BACH2: variants seen among roughly 807,000 people sequenced by gnomAD.
BACH2 encodes BACH transcriptional regulator 2.
In BACH2, 5 loss-of-function variants were observed where a neutral mutation model predicts 61.8. The observed-to-expected ratio is 0.08, with a 90% CI of 0.04 to 0.17. BACH2 has a LOEUF of 0.17. BACH2 is among the 10% of genes least tolerant of loss of function. The pLI, the probability that BACH2 is intolerant of heterozygous loss-of-function variation, is 1.00. For synonymous variants in BACH2, 446 were observed against 440.1 expected (o/e 1.01, Z -0.17); for missense variants, 824 against 1,091.1 (o/e 0.76, Z 3.45).
intron 5 of BACH2, among the ~76,000 whole-genome samples, chr6:90,012,304 T>G (rs941461465): frequency 3.3e-5 from 5 of 152,142 alleles, no homozygotes; most frequent in African/African-American, 1.2e-4. Flanking sequence ...TTCTGACCCA[T>G]GAACACAGTC....
intron 4 of BACH2, chr6:90,117,103 A>G (rs189864811): frequency 7.1e-6 from 2 of 280,014 alleles, no homozygotes; most frequent in Non-Finnish European, 1.4e-5. Flanking sequence ...TCTCTGGCCA[A>G]CTTCTCAAGG....
intron 2 of BACH2, among the ~76,000 whole-genome samples, chr6:90,260,666 C>T (rs1382324879): frequency 2.0e-5 from 3 of 152,208 alleles, no homozygotes; most frequent in African/African-American, 7.2e-5. Flanking sequence ...GCTAGCATTA[C>T]CTTAATAATA....
In BACH2 at chr6:90,203,959, T is replaced by TC. The variant is rs1370820006; in HGVS notation, c.-162+2609dup. The stretch of plus-strand genomic sequence containing the variant: ...AGCAACTCATGAGGTATCAGGGTAG[T>TC]CCTGTTAAATTAGTGCGGCCAACTG... On this transcript the variant is annotated intron_variant, in intron 4 of 8. Coordinates refer to ENST00000257749, the MANE Select transcript of BACH2 (RefSeq NM_021813.4). Among the ~76,000 whole-genome samples, 5 of 152,238 alleles carry TC rather than the reference T, an allele frequency of 3.3e-5. No individual in the cohort carries two copies. The East Asian group carries it at 9.6e-4, about 29-fold the overall frequency.
intron 6 of BACH2, among the ~76,000 whole-genome samples, chr6:89,994,785 T>C (rs779716755): frequency 2.0e-5 from 3 of 152,212 alleles, no homozygotes; most frequent in Non-Finnish European, 4.4e-5. Context: ...TTCTTCATTA[T>C]AGAAATGTAA....
At chr6:90,116,187 G>A (rs918080785) in intron 4 of BACH2, among the ~76,000 whole-genome samples, 4 of 152,104 alleles carry the variant, frequency 2.6e-5, no homozygotes, top group Non-Finnish European at 5.9e-5. Flanking sequence ...AAAGACACAC[G>A]CATGCAAATG....
chr6:90,081,861 C>T (rs1251300686), intron 5 of BACH2, among the ~76,000 whole-genome samples: 1 of 152,118 alleles, frequency 6.6e-6, no homozygotes, highest in Non-Finnish European at 1.5e-5. Flanking sequence ...GTGCTCAAAG[C>T]CCTTCCTAAC....
chr6:90,182,773 C>G (rs1480687566), intron 4 of BACH2, among the ~76,000 whole-genome samples: 3 of 152,182 alleles, frequency 2.0e-5, no homozygotes. Flanking sequence ...AAATCACTAC[C>G]AGGAAAGAGG....
At chr6:90,158,671 A>G (rs1392872830) in intron 4 of BACH2, among the ~76,000 whole-genome samples, 1 of 151,250 alleles carries the variant, frequency 6.6e-6, no homozygotes, top group Non-Finnish European at 1.5e-5. Flanking sequence ...CCAGGAGCAC[A>G]GGGCAGAGTC....
intron 4 of BACH2, among the ~76,000 whole-genome samples, chr6:90,125,573 C>A (rs886469111): frequency 5.9e-5 from 9 of 152,206 alleles, no homozygotes; most frequent in African/African-American, 1.9e-4. Flanking sequence ...ACAGTTGCAT[C>A]CTTTTCACTG....
intron 4 of BACH2, among the ~76,000 whole-genome samples, chr6:90,202,039 A>G: frequency 6.6e-6 from 1 of 152,240 alleles, no homozygotes; most frequent in East Asian, 1.9e-4. Context: ...TAAAATATTA[A>G]ACCAGTGGGC....
At chr6:90,170,368 T>TTTATCTTG (rs1767771486) in intron 4 of BACH2, among the ~76,000 whole-genome samples, 1 of 152,184 alleles carries the variant, frequency 6.6e-6, no homozygotes, top group African/African-American at 2.4e-5. Context: ...ACTTTACCTA[T>TTTATCTTG]TTATCTTGTT....
chr6:89,965,357 T>C (rs1027325090), intron 6 of BACH2, among the ~76,000 whole-genome samples: 3 of 152,248 alleles, frequency 2.0e-5, no homozygotes, highest in Non-Finnish European at 4.4e-5. Flanking sequence ...AGTCCATTTT[T>C]ACATTACTCC....
chr6:89,992,959 G>A (rs1287190161), intron 6 of BACH2, among the ~76,000 whole-genome samples: 2 of 152,204 alleles, frequency 1.3e-5, no homozygotes, highest in African/African-American at 4.8e-5. Flanking sequence ...GGTCACAAGG[G>A]TGGGGCCCTA....
intron 4 of BACH2, among the ~76,000 whole-genome samples, chr6:90,176,295 G>A (rs1179170346): frequency 1.3e-5 from 2 of 152,128 alleles, no homozygotes; most frequent in Admixed American, 6.6e-5. Context: ...AGCTCAGGGC[G>A]AGCAGAGATT....
intron 1 of BACH2, among the ~76,000 whole-genome samples, chr6:90,291,580 G>T (rs1582572946): frequency 7.0e-6 from 1 of 143,672 alleles, no homozygotes; most frequent in Non-Finnish European, 1.5e-5. Context: ...AGCAACTACT[G>T]TCTTTTTTTT....
chr6:90,283,898 T>G (rs899557583), intron 1 of BACH2, among the ~76,000 whole-genome samples: 1 of 151,818 alleles, frequency 6.6e-6, no homozygotes, highest in Non-Finnish European at 1.5e-5. Flanking sequence ...GTCCAGCTAC[T>G]CAGGAGGCTG....
intron 1 of BACH2, among the ~76,000 whole-genome samples, chr6:90,278,550 A>G (rs1340288377): frequency 6.6e-6 from 1 of 152,208 alleles, no homozygotes; most frequent in African/African-American, 2.4e-5. Context: ...TTGCTTCCCC[A>G]GTAGACTATA....
At chr6:90,035,246 G>A (rs758229110) in intron 5 of BACH2, among the ~76,000 whole-genome samples, 4 of 152,048 alleles carry the variant, frequency 2.6e-5, no homozygotes, top group Admixed American at 6.6e-5. Flanking sequence ...ATTACATCCT[G>A]AGAATGAAAA....
intron 6 of BACH2, among the ~76,000 whole-genome samples, chr6:89,971,348 C>T (rs1775347535): frequency 6.6e-6 from 1 of 152,164 alleles, no homozygotes; most frequent in African/African-American, 2.4e-5. Context: ...GGCACCTTTT[C>T]AATATAAGAT....
Sources: allele counts gnomAD v4.1 joint callset (sites outside exome capture counted in the v4.1 genomes callset), GRCh38; gene constraint gnomAD v4.1.1; transcripts MANE v1.5; gene names NCBI Gene and HGNC (gene_info 2026-07-23, HGNC 2026-07-21).